STXBP5L: variants seen among roughly 807,000 people sequenced by gnomAD.
STXBP5L encodes syntaxin-binding protein 5-like.
In STXBP5L, 65 loss-of-function variants were observed where a neutral mutation model predicts 144.5. The observed-to-expected ratio is 0.45, with a 90% CI of 0.37 to 0.55. The LOEUF (loss-of-function observed/expected upper bound fraction) is 0.55. Ranked by LOEUF, STXBP5L falls within the 20% of genes least tolerant of loss-of-function variation. STXBP5L has a pLI of 0.00. For missense variants in STXBP5L, 1,298 were observed against 1,405.5 expected (o/e 0.92, Z 1.22); for synonymous variants, 505 against 469.6 (o/e 1.08, Z -0.97).
chr3:121,124,445 G>C (rs1577015885), intron 7 of STXBP5L, among the ~76,000 whole-genome samples: 1 of 151,584 alleles, frequency 6.6e-6, no homozygotes, highest in Non-Finnish European at 1.5e-5. Context: ...GTTTACTTTG[G>C]CTTTCATTTG....
chr3:121,115,227 A>G (rs1448696138), intron 6 of STXBP5L, among the ~76,000 whole-genome samples, 168 bp downstream of exon 6: 4 of 152,204 alleles, frequency 2.6e-5, no homozygotes, highest in African/African-American at 7.2e-5. Flanking sequence ...AAAAATAGAT[A>G]TTACAATATT....
At chr3:121,334,935 G>C (rs746308379) in intron 20 of STXBP5L, among the ~76,000 whole-genome samples, 2 of 152,144 alleles carry the variant, frequency 1.3e-5, no homozygotes, top group African/African-American at 4.8e-5. Context: ...ATTTAACAGA[G>C]TATTGGAAGC....
intron 22 of STXBP5L, among the ~76,000 whole-genome samples, chr3:121,390,399 T>C (rs2046550707): frequency 6.6e-6 from 1 of 152,204 alleles, no homozygotes; most frequent in Admixed American, 6.5e-5. Context: ...TTAAGGTTAA[T>C]ATTGTTATGT....
At chr3:121,091,604 T>C (rs1437869518) in intron 5 of STXBP5L, among the ~76,000 whole-genome samples, 2 of 152,238 alleles carry the variant, frequency 1.3e-5, no homozygotes, top group East Asian at 3.8e-4. Context: ...TTCATGTCCT[T>C]CGCCCACTTT....
intron 20 of STXBP5L, among the ~76,000 whole-genome samples, chr3:121,347,739 C>A (rs1440751471): frequency 1.3e-5 from 2 of 152,084 alleles, no homozygotes; most frequent in African/African-American, 4.8e-5. Flanking sequence ...GGAGTTCACT[C>A]ATGATTTGGC....
At chr3:121,411,280 C>T (rs1033179980) in intron 23 of STXBP5L, among the ~76,000 whole-genome samples, 5 of 152,034 alleles carry the variant, frequency 3.3e-5, no homozygotes, top group Admixed American at 3.3e-4. Flanking sequence ...ATTTCAGGTC[C>T]CATTTTACAT....
intron 19 of STXBP5L, among the ~76,000 whole-genome samples, chr3:121,313,165 G>A (rs1340918684): frequency 9.7e-5 from 14 of 143,978 alleles, no homozygotes; most frequent in East Asian, 6.4e-4. Flanking sequence ...AGGGGCGGCC[G>A]GGCAGAGGCG....
At chr3:120,936,717 C>T (rs1710283910) in intron 2 of STXBP5L, among the ~76,000 whole-genome samples, 1 of 152,010 alleles carries the variant, frequency 6.6e-6, no homozygotes, top group South Asian at 2.1e-4. Flanking sequence ...TTATGCCATT[C>T]TCCTGCCTCA....
At chr3:121,389,449 C>T (rs1366681781) in intron 22 of STXBP5L, among the ~76,000 whole-genome samples, 1 of 152,116 alleles carries the variant, frequency 6.6e-6, no homozygotes, top group Non-Finnish European at 1.5e-5. Flanking sequence ...TTTGCTCTTG[C>T]ATCTCTAGTT....
intron 2 of STXBP5L, among the ~76,000 whole-genome samples, chr3:120,950,193 G>C (rs1452386919): frequency 6.6e-6 from 1 of 151,906 alleles, no homozygotes; most frequent in Non-Finnish European, 1.5e-5. Flanking sequence ...GTTAATTTTT[G>C]TGTATGTTAT....
intron 5 of STXBP5L, among the ~76,000 whole-genome samples, chr3:121,112,892 A>G (rs1199093575): frequency 6.6e-6 from 1 of 152,190 alleles, no homozygotes; most frequent in East Asian, 1.9e-4. Context: ...GAGCTAGCAA[A>G]TATACAGCAG....
At chr3:121,033,833 C>T (rs1946558784) in intron 3 of STXBP5L, among the ~76,000 whole-genome samples, 2 of 151,778 alleles carry the variant, frequency 1.3e-5, no homozygotes, top group South Asian at 2.1e-4. Flanking sequence ...AATGTCACAG[C>T]TGAAAAGTAT....
intron 20 of STXBP5L, among the ~76,000 whole-genome samples, chr3:121,337,679 G>T (rs1355906769): frequency 6.6e-6 from 1 of 152,018 alleles, no homozygotes; most frequent in African/African-American, 2.4e-5. Flanking sequence ...AGAAAATGTT[G>T]TACTTAAACT....
chr3:121,391,630 A>G (rs371345816), intron 22 of STXBP5L, among the ~76,000 whole-genome samples: 1 of 152,108 alleles, frequency 6.6e-6, no homozygotes, highest in Non-Finnish European at 1.5e-5. Context: ...TTTCCTTCTA[A>G]CAATCAGGTC....
intron 5 of STXBP5L, among the ~76,000 whole-genome samples, chr3:121,046,099 T>C (rs981375605): frequency 2.0e-5 from 3 of 152,184 alleles, no homozygotes; most frequent in African/African-American, 7.2e-5. Flanking sequence ...ACCAGAAGAC[T>C]TTTCTGCATC....
At chr3:121,200,177 T>C (rs966389800) in intron 9 of STXBP5L, among the ~76,000 whole-genome samples, 2 of 152,214 alleles carry the variant, frequency 1.3e-5, no homozygotes, top group Non-Finnish European at 2.9e-5. Context: ...ATTGGTACAT[T>C]CCAGGATTTA....
chr3:121,018,744 G>T (rs952151265), intron 3 of STXBP5L, among the ~76,000 whole-genome samples: 1 of 152,152 alleles, frequency 6.6e-6, no homozygotes, highest in African/African-American at 2.4e-5. Flanking sequence ...GCACAAAATG[G>T]CAGATAGGAG....
chr3:121,198,065 C>A (rs965340513), intron 9 of STXBP5L, among the ~76,000 whole-genome samples: 3 of 152,114 alleles, frequency 2.0e-5, no homozygotes, highest in Non-Finnish European at 4.4e-5. Context: ...CTTGAGGAAC[C>A]AAAACACTGT....
intron 5 of STXBP5L, among the ~76,000 whole-genome samples, chr3:121,086,313 C>T (rs16832074): frequency 0.099 from 15,116 of 152,030 alleles, 1,182 homozygotes; most frequent in Admixed American, 0.2. Context: ...ACTTCTTAGA[C>T]ACAAAGATTA....
Sources: gnomAD v4.1 joint callset for allele counts (sites outside exome capture counted in the v4.1 genomes callset) on GRCh38, gnomAD v4.1.1 for gene constraint, MANE v1.5 for transcripts, NCBI Gene and HGNC (gene_info 2026-07-23, HGNC 2026-07-21) for gene names.